The following BMAL1 variants were observed in gnomAD, a reference collection of about 807,000 sequenced individuals.
BMAL1 encodes basic helix-loop-helix ARNT like 1.
chr11:13,365,489 C>G, the BMAL1 span: 4 of 1,610,212 alleles, frequency 2.5e-6, no homozygotes, highest in Non-Finnish European at 3.4e-6. Context: ...TTATCCATTT[C>G]TCCTGATTAG....
At chr11:13,361,313 G>A in the BMAL1 span, among the ~76,000 whole-genome samples, 1 of 152,282 alleles carries the variant, frequency 6.6e-6, no homozygotes, top group Non-Finnish European at 1.5e-5. Context: ...GGTAAAGTGA[G>A]ATTAACTTGG....
At chr11:13,382,073 C>T in the BMAL1 span, among the ~76,000 whole-genome samples, 8 of 152,128 alleles carry the variant, frequency 5.3e-5, no homozygotes, top group South Asian at 6.2e-4. Flanking sequence ...CTGAGCTCCT[C>T]GGAGGTTTGT....
At chr11:13,380,878 C>T in the BMAL1 span, 1 of 320,184 alleles carries the variant, frequency 3.1e-6, no homozygotes, top group Middle Eastern at 9.3e-4. Context: ...GATCAGGTGC[C>T]TGTAGAACAA....
the BMAL1 span, among the ~76,000 whole-genome samples, chr11:13,313,152 A>T: frequency 3.3e-5 from 5 of 151,620 alleles, no homozygotes; most frequent in African/African-American, 9.7e-5. Flanking sequence ...TGCAGCGAGA[A>T]CTCCCACCTC....
chr11:13,284,080 GTGT>G, the BMAL1 span, among the ~76,000 whole-genome samples: 3 of 17,270 alleles, frequency 1.7e-4, no homozygotes, highest in Non-Finnish European at 5.2e-4. Context: ...GTGTTGGGGT[GTGT>G]GTGTGTGTGT....
the BMAL1 span, among the ~76,000 whole-genome samples, chr11:13,291,536 G>A: frequency 9.2e-3 from 1,395 of 152,268 alleles, 22 homozygotes; most frequent in African/African-American, 0.032. Context: ...TGTGGACTGG[G>A]AAATTGCTTA....
chr11:13,354,205 CCA>C, the BMAL1 span: 3 of 874,464 alleles, frequency 3.4e-6, no homozygotes, highest in African/African-American at 3.5e-5. Flanking sequence ...CCCCGGCCCC[CCA>C]CCACCAAACC....
At chr11:13,288,598 C>T in the BMAL1 span, among the ~76,000 whole-genome samples, 3 of 151,492 alleles carry the variant, frequency 2.0e-5, no homozygotes, top group Non-Finnish European at 4.4e-5. Context: ...CAATGGATAA[C>T]CACTGGATTT....
the BMAL1 span, among the ~76,000 whole-genome samples, chr11:13,325,395 A>T: frequency 6.6e-6 from 1 of 151,632 alleles, no homozygotes. Flanking sequence ...CAGTGGGTAC[A>T]TTTCACCTTA....
At chr11:13,330,445 T>G in the BMAL1 span, among the ~76,000 whole-genome samples, 1 of 152,254 alleles carries the variant, frequency 6.6e-6, no homozygotes, top group Non-Finnish European at 1.5e-5. Flanking sequence ...AGAACTGAGT[T>G]ATTAAAAAAC....
At chr11:13,357,588 C>T in the BMAL1 span, among the ~76,000 whole-genome samples, 1 of 152,296 alleles carries the variant, frequency 6.6e-6, no homozygotes, top group South Asian at 2.1e-4. This position sits in a 1 kb window ranked among gnomAD's most constrained non-coding sequence, Gnocchi z 4.8. Context: ...CTTCCCATTG[C>T]GTCCTCAGTT....
the BMAL1 span, chr11:13,355,138 A>G: frequency 1.5e-5 from 18 of 1,204,192 alleles, no homozygotes; most frequent in Admixed American, 2.2e-5. Context: ...TCTTACCCAA[A>G]TGTCCATTTA....
At chr11:13,351,630 G>A in the BMAL1 span, among the ~76,000 whole-genome samples, 1 of 152,178 alleles carries the variant, frequency 6.6e-6, no homozygotes, top group Non-Finnish European at 1.5e-5. Flanking sequence ...TTAGAGTTGA[G>A]GGAGATGGAG....
the BMAL1 span, among the ~76,000 whole-genome samples, chr11:13,359,636 T>A: frequency 6.6e-6 from 1 of 152,174 alleles, no homozygotes; most frequent in East Asian, 1.9e-4. Context: ...TTGTTACAGA[T>A]CCATTTCCTT....
chr11:13,340,382 C>T, the BMAL1 span, among the ~76,000 whole-genome samples: 1 of 152,238 alleles, frequency 6.6e-6, no homozygotes, highest in African/African-American at 2.4e-5. Flanking sequence ...TTGCTTTCTA[C>T]ATCTTATCTC....
the BMAL1 span, among the ~76,000 whole-genome samples, chr11:13,373,841 T>C: frequency 4.6e-5 from 7 of 152,214 alleles, no homozygotes; most frequent in African/African-American, 1.4e-4. Context: ...TCAGATTTGA[T>C]TTCTTGTGAT....
the BMAL1 span, among the ~76,000 whole-genome samples, chr11:13,355,622 ATCTGTGACT>A: frequency 6.6e-6 from 1 of 152,250 alleles, no homozygotes; most frequent in Non-Finnish European, 1.5e-5. Flanking sequence ...AACTGAAGTC[ATCTGTGACT>A]GTCAGGCAGA....
the BMAL1 span, among the ~76,000 whole-genome samples, chr11:13,284,284 A>G: frequency 2.3e-5 from 3 of 132,084 alleles, no homozygotes; most frequent in African/African-American, 8.7e-5. Context: ...TTTTAATGCC[A>G]GTTGTTCCCC....
chr11:13,313,098 T>G, the BMAL1 span, among the ~76,000 whole-genome samples: 1 of 152,208 alleles, frequency 6.6e-6, no homozygotes, highest in African/African-American at 2.4e-5. Flanking sequence ...TTGTTTTAAT[T>G]GTTTTACTTG....
Sources: gnomAD v4.1 joint callset for allele counts (sites outside exome capture counted in the v4.1 genomes callset) on GRCh38, gnomAD v4.1.1 for gene constraint, Gnocchi (gnomAD v3.1) non-coding constraint, MANE v1.5 for transcripts, NCBI Gene and HGNC (gene_info 2026-07-23, HGNC 2026-07-21) for gene names.